The following DPYD variants were observed in gnomAD, a reference collection of about 807,000 sequenced individuals.
DPYD encodes dihydropyrimidine dehydrogenase [NADP(+)].
Under a neutral mutation model 116.2 loss-of-function variants are expected in DPYD, and 109 were observed. That is an observed-to-expected ratio of 0.94 (90% CI 0.80 to 1.10). DPYD has a LOEUF of 1.10. Among genes scored for constraint, DPYD ranks in the 50% least tolerant of loss-of-function variants. The probability of loss-of-function intolerance (pLI) is 0.00; values close to 1 mark genes in which losing one functional copy is unlikely to be tolerated. For missense variants in DPYD, 1,302 were observed against 1,254.5 expected, an observed-to-expected ratio of 1.04 and a Z score of -0.57; for synonymous variants, 440 against 432.0, an observed-to-expected ratio of 1.02 and a Z score of -0.23.
rs1670017959 is a variant in DPYD at position 97,349,351 on chromosome 1, T to C, written c.2058+24210A>G. ...TTGGAGTTATTTCTTTTTATTAATTTTATTATTATTATATTTTAAGTTTTA... is the reference window on the plus strand; with the variant it reads ...TTGGAGTTATTTCTTTTTATTAATTCTATTATTATTATATTTTAAGTTTTA... On this transcript the variant is annotated intron_variant, in intron 16 of 22. Coordinates refer to ENST00000370192, the MANE Select transcript of DPYD (RefSeq NM_000110.4). 4.0e-5 allele frequency among the ~76,000 whole-genome samples: 6 copies of C among 151,856 alleles called. No homozygotes were observed. In the South Asian group the frequency reaches 1.2e-3, roughly 31 times the overall value.
intron 3 of DPYD, among the ~76,000 whole-genome samples, chr1:97,809,771 T>C (rs964680924): frequency 2.6e-5 from 4 of 151,836 alleles, no homozygotes; most frequent in Non-Finnish European, 5.9e-5. Context: ...TGGAGAAGAA[T>C]TGAAGGAATA....
At chr1:97,706,519 G>T (rs1571222799) in intron 5 of DPYD, among the ~76,000 whole-genome samples, 2 of 151,974 alleles carry the variant, frequency 1.3e-5, no homozygotes, top group South Asian at 4.1e-4. Context: ...ATCTCCATAT[G>T]CATCCCTCTC....
intron 13 of DPYD, among the ~76,000 whole-genome samples, chr1:97,478,499 G>A (rs1365673359): frequency 6.6e-6 from 1 of 152,104 alleles, no homozygotes; most frequent in Non-Finnish European, 1.5e-5. Context: ...TGTTGGCCAG[G>A]ATGGTCTCGA....
Position 97,573,764 on chromosome 1 carries a change from A to C in DPYD, c.1335T>G (p.Pro445=), listed in dbSNP as rs758154006. 35 of 1,613,368 alleles carry C rather than the reference A, an allele frequency of 2.2e-5. No individual in the cohort carries two copies. The Admixed American group carries it at 5.3e-4, about 25-fold the overall frequency. The change falls in exon 11 of 23, where the codon CCT becomes CCG. Residue 445 remains proline, a synonymous_variant. Coordinates refer to ENST00000370192, the MANE Select transcript of DPYD (RefSeq NM_000110.4). ...TTTCAGCTCCCAGCACTGTACCTTTAGGATCACTCAGAACTGAACCAAAGG... is the reference window on the plus strand; with the variant it reads ...TTTCAGCTCCCAGCACTGTACCTTTCGGATCACTCAGAACTGAACCAAAGG... ...ISAFGSVLSD[P]KVKEALSPIK...
intron 19 of DPYD, among the ~76,000 whole-genome samples, chr1:97,195,518 AGGAGAGAGAGAG>A (rs1557929235): frequency 2.0e-5 from 1 of 49,640 alleles, no homozygotes. Context: ...GAATGGGATA[AGGAGAGAGAGAG>A]AGAGAGAGAG....
intron 16 of DPYD, among the ~76,000 whole-genome samples, chr1:97,339,237 A>G (rs556724939): frequency 1.5e-4 from 23 of 152,278 alleles, no homozygotes; most frequent in African/African-American, 5.5e-4. Context: ...TTCAGCTTCT[A>G]TCAAATAGAA....
At chr1:97,422,344 G>T (rs1244584929) in intron 14 of DPYD, among the ~76,000 whole-genome samples, 1 of 152,058 alleles carries the variant, frequency 6.6e-6, no homozygotes, top group Non-Finnish European at 1.5e-5. Flanking sequence ...AGGGACCATG[G>T]AAATGACTGG....
At chr1:97,901,341 C>T (rs1427507507) in intron 1 of DPYD, among the ~76,000 whole-genome samples, 2 of 151,796 alleles carry the variant, frequency 1.3e-5, no homozygotes, top group African/African-American at 4.8e-5. Context: ...CAATTTTGCG[C>T]TGGTGCAGCT....
In DPYD at chr1:97,310,015, A is replaced by G. The variant is rs143541180; in HGVS notation, c.2059-3718T>C. ...TGTCCTCTGCAAAGGAATAAGCACT[A>G]CAGAATGAGACTGAGAATTTCCTGA... is the stretch of plus-strand genomic sequence containing the variant. On this transcript the variant is annotated intron_variant, in intron 16 of 22. Transcript: ENST00000370192. 6.6e-5 allele frequency among the ~76,000 whole-genome samples: 10 copies of G among 151,850 alleles called. No individual in the cohort carries two copies. In the East Asian group the frequency reaches 1.4e-3, roughly 21 times the overall value.
chr1:97,112,356 C>T (rs1163287120), intron 20 of DPYD, among the ~76,000 whole-genome samples: 1 of 152,070 alleles, frequency 6.6e-6, no homozygotes, highest in Non-Finnish European at 1.5e-5. Context: ...ATTGCTCATA[C>T]AGTTATGTAA....
intron 10 of DPYD, among the ~76,000 whole-genome samples, chr1:97,574,873 G>T (rs935294031): frequency 6.6e-6 from 1 of 152,036 alleles, no homozygotes; most frequent in Non-Finnish European, 1.5e-5. Flanking sequence ...ATTCTCAATA[G>T]GCTCCCTGGG....
At chr1:97,269,838 G>T (rs546528908) in intron 18 of DPYD, among the ~76,000 whole-genome samples, 1 of 152,168 alleles carries the variant, frequency 6.6e-6, no homozygotes, top group South Asian at 2.1e-4. Context: ...AGGTTAGGAG[G>T]TTAGGGCTTC....
chr1:97,263,087 A>G (rs1474137289), intron 18 of DPYD, among the ~76,000 whole-genome samples: 3 of 152,114 alleles, frequency 2.0e-5, no homozygotes, highest in African/African-American at 7.2e-5. Flanking sequence ...TAGCTCCCAG[A>G]GGGCATGTCA....
intron 3 of DPYD, among the ~76,000 whole-genome samples, chr1:97,757,623 G>T (rs1197140407): frequency 6.6e-6 from 1 of 151,956 alleles, no homozygotes; most frequent in Non-Finnish European, 1.5e-5. Context: ...ATTGTTAGAA[G>T]GTAATTTACC....
chr1:97,677,952 T>C (rs531315534), intron 8 of DPYD, among the ~76,000 whole-genome samples: 1 of 152,276 alleles, frequency 6.6e-6, no homozygotes, highest in South Asian at 2.1e-4. Flanking sequence ...ATATTCTGAG[T>C]GTGAACTGCC....
intron 20 of DPYD, among the ~76,000 whole-genome samples, chr1:97,182,066 G>C (rs1238910929): frequency 6.6e-6 from 1 of 152,086 alleles, no homozygotes; most frequent in Non-Finnish European, 1.5e-5. Flanking sequence ...CAGACCTTCT[G>C]GGTTTCAAGC....
chr1:97,297,188 C>T (rs1302565891), intron 18 of DPYD, among the ~76,000 whole-genome samples: 1 of 152,150 alleles, frequency 6.6e-6, no homozygotes, highest in Non-Finnish European at 1.5e-5. Context: ...TGAATTGAAA[C>T]GTTGGACTCT....
chr1:97,667,126 A>G (rs1269914925), intron 8 of DPYD, among the ~76,000 whole-genome samples: 1 of 152,184 alleles, frequency 6.6e-6, no homozygotes, highest in Admixed American at 6.5e-5. Context: ...CATACAGCCC[A>G]CAACATACAA....
chr1:97,488,335 T>C (rs1467208118), intron 13 of DPYD, among the ~76,000 whole-genome samples: 1 of 152,148 alleles, frequency 6.6e-6, no homozygotes, highest in Non-Finnish European at 1.5e-5. Context: ...GGGTTGCTTG[T>C]GATGATAGAA....
Sources: allele counts gnomAD v4.1 joint callset (sites outside exome capture counted in the v4.1 genomes callset), GRCh38; gene constraint gnomAD v4.1.1; transcripts MANE v1.5; gene names NCBI Gene and HGNC (gene_info 2026-07-23, HGNC 2026-07-21).